Variants in FMNL2 observed in about 807,000 individuals in gnomAD.
FMNL2 encodes the protein formin like 2, also known as formin-like protein 2.
A neutral mutation model predicts 130.2 loss-of-function variants in FMNL2; 51 were observed. The observed-to-expected ratio is 0.39, with a 90% CI of 0.31 to 0.49. The LOEUF (loss-of-function observed/expected upper bound fraction) is 0.49, where lower values mean the gene tolerates loss of function less well. Among genes scored for constraint, FMNL2 ranks in the 20% least tolerant of loss-of-function variants. The probability of loss-of-function intolerance (pLI) is 0.85; values close to 1 mark genes in which losing one functional copy is unlikely to be tolerated. For missense variants in FMNL2, 977 were observed against 1,316.2 expected, an observed-to-expected ratio of 0.74 and a Z score of 3.99; for synonymous variants, 465 against 467.1, an observed-to-expected ratio of 1.00 and a Z score of 0.06.
intron 21 of FMNL2, 85 bp from the exon 22 acceptor site, chr2:152,636,342 C>T: frequency 1.4e-6 from 2 of 1,429,952 alleles, no homozygotes; most frequent in East Asian, 2.5e-5. Context: ...CTAAGAATCT[C>T]CTGAGAACTT....
At chr2:152,552,850 C>T (rs188883857) in intron 4 of FMNL2, among the ~76,000 whole-genome samples, 23 of 152,318 alleles carry the variant, frequency 1.5e-4, no homozygotes, top group African/African-American at 5.5e-4. Flanking sequence ...GTGAACTGGA[C>T]AGATTTACCA....
At chr2:152,461,748 A>G (rs538223229) in intron 1 of FMNL2, among the ~76,000 whole-genome samples, 1 of 152,332 alleles carries the variant, frequency 6.6e-6, no homozygotes, top group Non-Finnish European at 1.5e-5. Context: ...GTAATTACAA[A>G]AAGAATTTTG....
intron 20 of FMNL2, among the ~76,000 whole-genome samples, chr2:152,631,210 AC>A (rs773913101): frequency 2.6e-5 from 4 of 151,914 alleles, no homozygotes; most frequent in Non-Finnish European, 5.9e-5. Context: ...ACATGGCGAA[AC>A]CCTGTCTCTA....
intron 6 of FMNL2, among the ~76,000 whole-genome samples, chr2:152,569,872 A>C (rs1696078552): frequency 1.3e-5 from 2 of 151,530 alleles, no homozygotes; most frequent in Non-Finnish European, 2.9e-5. Context: ...TTAGCTTGGC[A>C]TGGTGGCACA....
intron 1 of FMNL2, among the ~76,000 whole-genome samples, chr2:152,476,464 A>T (rs958255854): frequency 1.3e-5 from 2 of 152,190 alleles, no homozygotes; most frequent in African/African-American, 4.8e-5. Flanking sequence ...TGAGCCCAAG[A>T]GTGTGAGACC....
At chr2:152,462,932 CT>C (rs1689327973) in intron 1 of FMNL2, among the ~76,000 whole-genome samples, 1 of 152,102 alleles carries the variant, frequency 6.6e-6, no homozygotes, top group Non-Finnish European at 1.5e-5. Context: ...AAGAATGTTT[CT>C]TTTGATATTT....
chr2:152,506,812 T>C (rs1319801290), intron 1 of FMNL2, among the ~76,000 whole-genome samples: 1 of 147,896 alleles, frequency 6.8e-6, no homozygotes, highest in African/African-American at 2.5e-5. Flanking sequence ...TAGTGGCTGT[T>C]TGAGAAAATA....
intron 9 of FMNL2, among the ~76,000 whole-genome samples, chr2:152,582,631 C>T (rs58383962): frequency 0.24 from 36,097 of 151,782 alleles, 6,042 homozygotes; most frequent in African/African-American, 0.48. Flanking sequence ...CAAGAATGTA[C>T]GAATGCTTGT....
rs1162193985 is a variant in FMNL2, at chr2:152,649,252, G to A, written c.*1347G>A. 6.6e-6 allele frequency: 1 copy of A among 152,490 alleles called. No homozygotes were observed. Among genetic ancestry groups the A allele is most frequent in the Non-Finnish European group, 1.5e-5 (1 of 68,020 alleles). The allele number at this position is 152,490 out of a possible 1,614,324, so 9.4% of individuals were successfully genotyped here. ...GTACAGATATTTTGCTATAAAATCG[G>A]TGCAGTTTTTTATGGTTTTTACACT... On this transcript the variant is annotated 3_prime_UTR_variant, in exon 26 of 26. Coordinates refer to ENST00000288670, the MANE Select transcript of FMNL2 (RefSeq NM_052905.4).
At chr2:152,449,620 A>T (rs1185187975) in intron 1 of FMNL2, among the ~76,000 whole-genome samples, 2 of 152,002 alleles carry the variant, frequency 1.3e-5, no homozygotes, top group African/African-American at 4.8e-5. Context: ...TTGAGAGGAA[A>T]CTTGGGGTTG....
At chr2:152,528,392 A>G (rs957294818) in intron 2 of FMNL2, among the ~76,000 whole-genome samples, 1 of 152,150 alleles carries the variant, frequency 6.6e-6, no homozygotes, top group Non-Finnish European at 1.5e-5. Context: ...CAGGCTGTTG[A>G]CTGGGCCTTG....
chr2:152,471,382 G>T (rs943883027), intron 1 of FMNL2, among the ~76,000 whole-genome samples: 8 of 152,200 alleles, frequency 5.3e-5, no homozygotes, highest in Admixed American at 2.0e-4. Flanking sequence ...GAGGAGTGAG[G>T]CTGTTTAGAT....
chr2:152,360,415 T>C (rs571053046), intron 1 of FMNL2, among the ~76,000 whole-genome samples: 2 of 152,166 alleles, frequency 1.3e-5, no homozygotes, highest in African/African-American at 4.8e-5. Context: ...CACTGCAGCC[T>C]CTACCTCCTG....
chr2:152,387,283 A>G (rs529620244), intron 1 of FMNL2, among the ~76,000 whole-genome samples: 9 of 152,340 alleles, frequency 5.9e-5, no homozygotes, highest in African/African-American at 1.9e-4. Context: ...CTATTGGATG[A>G]GTGGCTAGCC....
intron 17 of FMNL2, among the ~76,000 whole-genome samples, chr2:152,627,150 T>C (rs1460478590): frequency 6.6e-6 from 1 of 152,258 alleles, no homozygotes. Context: ...TATCCAGATT[T>C]GTTGAATACA....
At chr2:152,510,069 A>G (rs1692411831) in intron 1 of FMNL2, among the ~76,000 whole-genome samples, 1 of 152,148 alleles carries the variant, frequency 6.6e-6, no homozygotes, top group South Asian at 2.1e-4. Flanking sequence ...TTTTAAATAT[A>G]TATTTTTAAC....
At chr2:152,596,244 T>A (rs1697767717) in intron 9 of FMNL2, among the ~76,000 whole-genome samples, 1 of 152,118 alleles carries the variant, frequency 6.6e-6, no homozygotes, top group African/African-American at 2.4e-5. Context: ...ATTACAGGCA[T>A]GAGCCACTGA....
chr2:152,373,334 C>T (rs1206946190), intron 1 of FMNL2, among the ~76,000 whole-genome samples: 6 of 152,026 alleles, frequency 3.9e-5, no homozygotes. Flanking sequence ...GATATTTTCT[C>T]CATGAACAGT....
chr2:152,443,618 G>A (rs868173596), intron 1 of FMNL2, among the ~76,000 whole-genome samples: 3 of 152,080 alleles, frequency 2.0e-5, no homozygotes, highest in East Asian at 1.9e-4. Context: ...TGAGGTGGGC[G>A]GATCACTTGA....
Sources: allele counts gnomAD v4.1 joint callset (sites outside exome capture counted in the v4.1 genomes callset), GRCh38; gene constraint gnomAD v4.1.1; transcripts MANE v1.5; gene names NCBI Gene and HGNC (gene_info 2026-07-23, HGNC 2026-07-21).